PDE1C: variants seen among roughly 807,000 people sequenced by gnomAD.
PDE1C encodes the protein phosphodiesterase 1C.
A neutral mutation model predicts 93.1 loss-of-function variants in PDE1C; 62 were observed. The ratio of observed to expected loss-of-function variants is 0.67; its 90% confidence interval spans 0.54 to 0.82. The LOEUF is 0.82. Ranked by LOEUF, PDE1C falls within the 40% of genes least tolerant of loss-of-function variation. PDE1C has a pLI of 0.00. For missense variants in PDE1C, 742 were observed against 884.6 expected (o/e 0.84, Z 2.04); for synonymous variants, 325 against 310.1 (o/e 1.05, Z -0.50).
chr7:31,617,317 T>TTGATAA, the PDE1C span, among the ~76,000 whole-genome samples: 2 of 152,126 alleles, frequency 1.3e-5, no homozygotes, highest in African/African-American at 4.8e-5. Context: ...AAGTATTTCA[T>TTGATAA]TGATAAGCTA....
intron 2 of PDE1C, among the ~76,000 whole-genome samples, chr7:32,193,916 G>GGT (rs1491290447): frequency 3.5e-4 from 40 of 115,252 alleles, no homozygotes; most frequent in African/African-American, 1.3e-3. Context: ...GTTTTGTTTT[G>GGT]TTTTTTTTTT....
At chr7:31,984,969 G>A (rs1439293915) in intron 2 of PDE1C, among the ~76,000 whole-genome samples, 2 of 152,002 alleles carry the variant, frequency 1.3e-5, no homozygotes, top group Admixed American at 6.6e-5. Context: ...TCCTACCCTA[G>A]GTCCATGCCT....
the PDE1C span, among the ~76,000 whole-genome samples, chr7:31,717,832 C>T: frequency 0.03 from 4,499 of 151,904 alleles, 242 homozygotes; most frequent in African/African-American, 0.1. Context: ...CCTCTTAATG[C>T]GGAAGGAGAG....
intron 1 of PDE1C, among the ~76,000 whole-genome samples, chr7:32,233,977 G>T (rs1807895690): frequency 6.6e-6 from 1 of 151,922 alleles, no homozygotes; most frequent in African/African-American, 2.4e-5. Context: ...AAATTAGACA[G>T]AAAGTCACTA....
chr7:32,007,157 A>G (rs1354161376), intron 2 of PDE1C, among the ~76,000 whole-genome samples: 1 of 152,242 alleles, frequency 6.6e-6, no homozygotes, highest in Non-Finnish European at 1.5e-5. Context: ...TAACTCTATT[A>G]GGACCCAAAT....
At chr7:31,732,109 G>A in the PDE1C span, among the ~76,000 whole-genome samples, 4 of 152,220 alleles carry the variant, frequency 2.6e-5, no homozygotes, top group Admixed American at 6.5e-5. Flanking sequence ...TGCGAGGTGC[G>A]GGAGGAGGGG....
intron 2 of PDE1C, among the ~76,000 whole-genome samples, chr7:31,999,101 A>T (rs1022325914): frequency 6.6e-5 from 10 of 152,128 alleles, no homozygotes; most frequent in African/African-American, 2.4e-4. Context: ...ACAACCACTC[A>T]TTCATTCAGT....
intron 2 of PDE1C, among the ~76,000 whole-genome samples, chr7:31,964,709 A>G (rs113321014): frequency 2.0e-5 from 3 of 152,200 alleles, no homozygotes; most frequent in Non-Finnish European, 2.9e-5. Context: ...CAACCCCCCA[A>G]TAGGGGTGGA....
the PDE1C span, chr7:31,651,279 T>A: frequency 3.1e-6 from 5 of 1,611,192 alleles, no homozygotes; most frequent in Non-Finnish European, 4.2e-6. Context: ...GGTAATTACC[T>A]AAGGGAGCCA....
At chr7:32,357,045 A>C (rs1008735914) in intron 1 of PDE1C, among the ~76,000 whole-genome samples, 2 of 152,178 alleles carry the variant, frequency 1.3e-5, no homozygotes, top group Admixed American at 6.5e-5. Flanking sequence ...TGTGTATAAA[A>C]ACTTTAGGCC....
chr7:31,702,206 TA>T, the PDE1C span, among the ~76,000 whole-genome samples: 4 of 125,174 alleles, frequency 3.2e-5, no homozygotes, highest in African/African-American at 1.3e-4. Context: ...CACCCTTATT[TA>T]TTTTTTTTTT....
At chr7:32,349,413 G>A (rs1433204283) in intron 1 of PDE1C, among the ~76,000 whole-genome samples, 2 of 152,204 alleles carry the variant, frequency 1.3e-5, no homozygotes, top group Admixed American at 6.5e-5. Flanking sequence ...AGTGTGGAGG[G>A]AAATGGGTCT....
chr7:32,240,474 T>TA (rs1379343781), intron 1 of PDE1C, among the ~76,000 whole-genome samples: 1 of 152,126 alleles, frequency 6.6e-6, no homozygotes, highest in Non-Finnish European at 1.5e-5. Context: ...TTTACTATGA[T>TA]AAAAAATAAA....
intron 2 of PDE1C, among the ~76,000 whole-genome samples, chr7:32,173,881 G>T (rs1034709961): frequency 1.3e-5 from 2 of 152,128 alleles, no homozygotes; most frequent in African/African-American, 4.8e-5. Flanking sequence ...CTACAAGCAA[G>T]GACACCCATG....
intron 2 of PDE1C, among the ~76,000 whole-genome samples, chr7:32,200,118 G>A (rs962737515): frequency 7.2e-5 from 11 of 152,124 alleles, no homozygotes; most frequent in African/African-American, 2.7e-4. Context: ...TTGGGTAAAG[G>A]ACACTCGACC....
At chr7:32,168,935 G>A (rs1802473998) in intron 3 of PDE1C, among the ~76,000 whole-genome samples, 2 of 152,220 alleles carry the variant, frequency 1.3e-5, no homozygotes, top group South Asian at 4.1e-4. Context: ...AGAGAAAAAC[G>A]AGGTTTATAT....
rs530873082 is a variant in PDE1C at position 31,946,357 on chromosome 7, C to T, written c.129-65497G>A. Among the ~76,000 whole-genome samples, 73 of 152,196 alleles carry T rather than the reference C, an allele frequency of 4.8e-4. 1 individual carries two copies. The highest frequency in any genetic ancestry group is 9.8e-4 in the Admixed American group (15 of 15,270). On this transcript the variant is annotated intron_variant, in intron 2 of 17. Transcript: ENST00000396191. ...TGCCAAAGGGTGGAAGGCTGCCCTG[C>T]CACACCATAATCTAAGCCCAGGGCA...
At chr7:31,784,567 C>A (rs1284327369) in intron 16 of PDE1C, 1 of 151,534 alleles carries the variant, frequency 6.6e-6, no homozygotes, top group Non-Finnish European at 1.5e-5. Context: ...AATGGGTTAC[C>A]TGGACAGAAG....
chr7:32,119,180 T>C lies in PDE1C; in HGVS notation c.308+50605A>G, dbSNP rs187837083. Among the ~76,000 whole-genome samples, 239 of 152,180 alleles carry C rather than the reference T, an allele frequency of 1.6e-3. 1 individual carries two copies. The highest frequency in any genetic ancestry group is 5.4e-3 in the African/African-American group (223 of 41,520). On this transcript the variant is annotated intron_variant, in intron 3 of 18. Transcript: ENST00000396193. Reference sequence around the variant, plus strand: ...TCTATTTATGCTCAAATTCCAAGTCTACCAAAAAACTCAAGGGGATTCTGA... The same window carrying C: ...TCTATTTATGCTCAAATTCCAAGTCCACCAAAAAACTCAAGGGGATTCTGA...
Sources: gnomAD v4.1 joint callset for allele counts (sites outside exome capture counted in the v4.1 genomes callset) on GRCh38, gnomAD v4.1.1 for gene constraint, MANE v1.5 for transcripts, NCBI Gene and HGNC (gene_info 2026-07-23, HGNC 2026-07-21) for gene names.